The following FLACC1 variants were observed in gnomAD, a reference collection of about 807,000 sequenced individuals.
FLACC1 encodes flagellum-associated coiled-coil domain-containing protein 1.
A neutral mutation model predicts 62.8 loss-of-function variants in FLACC1; 66 were observed. The observed-to-expected ratio is 1.05, with a 90% CI of 0.86 to 1.29. FLACC1 has a LOEUF of 1.29. Ranked by LOEUF, FLACC1 falls within the 50% of genes most tolerant of loss-of-function variation. The pLI is 0.00. For synonymous variants in FLACC1, 156 were observed against 161.0 expected, an observed-to-expected ratio of 0.97 and a Z score of 0.24; for missense variants, 452 against 489.1, an observed-to-expected ratio of 0.92 and a Z score of 0.71.
chr2:201,339,625 A>G (rs899546041), intron 7 of FLACC1, among the ~76,000 whole-genome samples: 4 of 151,710 alleles, frequency 2.6e-5, no homozygotes, highest in Non-Finnish European at 5.9e-5. Context: ...GTTTCAAGAA[A>G]TTTTTTTTAT....
chr2:201,289,451 C>G lies in FLACC1; in HGVS notation c.1142+6G>C, dbSNP rs182918274. 2,225 of 1,612,666 alleles carry G rather than the reference C, an allele frequency of 1.4e-3. 1 individual carries two copies. Among genetic ancestry groups the G allele is most frequent in the Middle Eastern group, 2.0e-3 (12 of 6,062 alleles). ...TCAGCTATGTCTTTTTCAGCAGCAG[C>G]CGCACTTCAGATGAATGTTCTCTTC... On this transcript the variant is annotated splice_donor_region_variant and intron_variant, in intron 14 of 14. Coordinates refer to ENST00000392257, the MANE Select transcript of FLACC1 (RefSeq NM_001127391.3).
chr2:201,323,612 C>T (rs1006634435), intron 9 of FLACC1, among the ~76,000 whole-genome samples: 4 of 151,686 alleles, frequency 2.6e-5, no homozygotes, highest in African/African-American at 7.3e-5. Flanking sequence ...ATGGCAAAAC[C>T]CTGTCTTTAC....
chr2:201,297,879 G>T (rs764522832), intron 12 of FLACC1, among the ~76,000 whole-genome samples: 2 of 152,160 alleles, frequency 1.3e-5, no homozygotes, highest in Non-Finnish European at 2.9e-5. Flanking sequence ...TTCTGAGAAG[G>T]TGGCATTTGA....
intron 9 of FLACC1, among the ~76,000 whole-genome samples, chr2:201,319,126 GTAAC>G (rs886263911): frequency 2.0e-5 from 3 of 152,110 alleles, no homozygotes; most frequent in Non-Finnish European, 4.4e-5. Flanking sequence ...TAAGGCTACA[GTAAC>G]CAAAACAGCT....
At chr2:201,362,849 G>A in the FLACC1 span, among the ~76,000 whole-genome samples, 1 of 151,978 alleles carries the variant, frequency 6.6e-6, no homozygotes. Flanking sequence ...TCTGGCTTAG[G>A]GTAGGAGTCT....
In FLACC1 at chr2:201,288,495, T is replaced by C; in HGVS notation, c.*160A>G. 1 of 833,476 alleles carries C rather than the reference T, an allele frequency of 1.2e-6. No homozygotes were observed. The highest frequency in any genetic ancestry group is 1.8e-6 in the Non-Finnish European group (1 of 560,004). The allele number at this position is 833,476 out of a possible 1,614,324, so 51.6% of individuals were successfully genotyped here. ...AAGAGTCCGTGATAAGCTGTGAAAT[T>C]CAGATGCGAATTCAAACATTTTCAG... On this transcript the variant is annotated 3_prime_UTR_variant, in exon 15 of 15. Coordinates refer to ENST00000392257, the MANE Select transcript of FLACC1 (RefSeq NM_001127391.3).
intron 12 of FLACC1, among the ~76,000 whole-genome samples, chr2:201,295,703 C>T (rs2125540000): frequency 6.6e-6 from 1 of 152,258 alleles, no homozygotes; most frequent in African/African-American, 2.4e-5. Context: ...GCAAAAGAAA[C>T]TACCATCAGA....
At chr2:201,333,130 A>G (rs1950627097) in intron 7 of FLACC1, among the ~76,000 whole-genome samples, 1 of 152,222 alleles carries the variant, frequency 6.6e-6, no homozygotes, top group African/African-American at 2.4e-5. Flanking sequence ...AGCAACCTCT[A>G]TACAGTTTTC....
At chr2:201,293,078 C>G (rs1192264651) in intron 12 of FLACC1, among the ~76,000 whole-genome samples, 2 of 152,144 alleles carry the variant, frequency 1.3e-5, no homozygotes, top group Non-Finnish European at 2.9e-5. Context: ...TAATGGGAGA[C>G]TTTAACACCC....
intron 7 of FLACC1, among the ~76,000 whole-genome samples, chr2:201,339,277 T>C (rs1000376154): frequency 3.3e-5 from 5 of 152,162 alleles, no homozygotes; most frequent in African/African-American, 1.2e-4. Context: ...TCTTTTTTCA[T>C]TTCTGATTTT....
At chr2:201,348,359 T>G (rs1950960129) in intron 3 of FLACC1, 57 bp from the exon 4 acceptor site, 1 of 1,582,334 alleles carries the variant, frequency 6.3e-7, no homozygotes, top group Non-Finnish European at 8.6e-7. Context: ...AGTTCAAAGC[T>G]TAGGAGCTGA....
chr2:201,316,167 C>A (rs1950304290), intron 9 of FLACC1, among the ~76,000 whole-genome samples: 1 of 151,738 alleles, frequency 6.6e-6, no homozygotes, highest in Non-Finnish European at 1.5e-5. Context: ...AAGAACAAAC[C>A]AAACACAAAC....
At chr2:201,344,127 T>C (rs1479711440) in intron 6 of FLACC1, 43 bp downstream of exon 6, 2 of 1,518,206 alleles carry the variant, frequency 1.3e-6, no homozygotes, top group Non-Finnish European at 1.8e-6. Flanking sequence ...AATATTAATT[T>C]TATTTTGTCC....
At chr2:201,299,416 G>T (rs1949932807) in intron 11 of FLACC1, 116 bp from the exon 12 acceptor site, 16 of 747,390 alleles carry the variant, frequency 2.1e-5, no homozygotes, top group Non-Finnish European at 3.4e-5. Context: ...CTTAGACACT[G>T]CTATAATGAA....
intron 2 of FLACC1, 143 bp downstream of exon 2, chr2:201,351,149 C>T: frequency 1.4e-6 from 1 of 727,488 alleles, no homozygotes; most frequent in Non-Finnish European, 2.3e-6. Context: ...AACCAGCTGG[C>T]AGGGAAGCTG....
chr2:201,315,131 A>G (rs1199864024), intron 9 of FLACC1, among the ~76,000 whole-genome samples: 1 of 152,108 alleles, frequency 6.6e-6, no homozygotes, highest in African/African-American at 2.4e-5. Flanking sequence ...AAAAGCAAAA[A>G]CAAAAACAAA....
chr2:201,289,477 C>G lies in FLACC1; in HGVS notation c.1122G>C (p.Thr374=). ...EKYKHTIQIL[T]EENIHLKQKI... Reference sequence around the variant, plus strand: ...CGCACTTCAGATGAATGTTCTCTTCCGTCAGGATCTGTATGGTGTGCTTAT... The same window carrying G: ...CGCACTTCAGATGAATGTTCTCTTCGGTCAGGATCTGTATGGTGTGCTTAT... The change falls in exon 14 of 15, where the codon ACG becomes ACC. Residue 374 remains threonine (T), a synonymous_variant. Transcript: ENST00000392257. The G allele has an allele frequency of 6.2e-7, 1 of 1,614,056 alleles. No individual in the cohort carries two copies. The highest frequency in any genetic ancestry group is 8.5e-7 in the Non-Finnish European group (1 of 1,179,968).
chr2:201,314,149 C>G (rs1019726727), intron 9 of FLACC1, among the ~76,000 whole-genome samples: 3 of 152,056 alleles, frequency 2.0e-5, no homozygotes, highest in Non-Finnish European at 4.4e-5. Context: ...TATGAAAAAA[C>G]AAGGTTCTTT....
intron 3 of FLACC1, among the ~76,000 whole-genome samples, 164 bp downstream of exon 3, chr2:201,350,547 C>T (rs535778385): frequency 4.6e-5 from 7 of 151,428 alleles, no homozygotes; most frequent in Non-Finnish European, 7.4e-5. Context: ...GGCATGGTGG[C>T]GCGCACACCT....
Sources: gnomAD v4.1 joint callset for allele counts (sites outside exome capture counted in the v4.1 genomes callset) on GRCh38, gnomAD v4.1.1 for gene constraint, MANE v1.5 for transcripts, NCBI Gene and HGNC (gene_info 2026-07-23, HGNC 2026-07-21) for gene names.